The following CYB5A variants were observed in gnomAD, a reference collection of about 807,000 sequenced individuals.
CYB5A encodes the protein cytochrome b5.
CYB5A carries 10 observed loss-of-function variants against 16.2 expected under a neutral mutation model. That is an observed-to-expected ratio of 0.62 (90% CI 0.38 to 1.04). The LOEUF is 1.04. Ranked by LOEUF, CYB5A falls within the 50% of genes least tolerant of loss-of-function variation. The pLI is 0.01. For missense variants in CYB5A, 161 were observed against 165.9 expected (o/e 0.97, Z 0.16); for synonymous variants, 62 against 57.0 (o/e 1.09, Z -0.40).
intron 1 of CYB5A, among the ~76,000 whole-genome samples, chr18:74,280,680 G>C (rs1351921739): frequency 6.6e-6 from 1 of 152,076 alleles, no homozygotes; most frequent in African/African-American, 2.4e-5. Context: ...TATGTTTTTG[G>C]TTATTGATGT....
intron 1 of CYB5A, among the ~76,000 whole-genome samples, chr18:74,278,834 C>T (rs981717622): frequency 3.3e-5 from 5 of 152,228 alleles, no homozygotes; most frequent in Admixed American, 6.5e-5. Context: ...TGGTCTAAAA[C>T]GTACTGGTAA....
chr18:74,288,836 C>T (rs541144863), intron 1 of CYB5A, among the ~76,000 whole-genome samples: 1 of 152,278 alleles, frequency 6.6e-6, no homozygotes, highest in South Asian at 2.1e-4. Context: ...GAGATGGTCA[C>T]AGAAAGTCAA....
intron 1 of CYB5A, 65 bp from the exon 2 acceptor site, chr18:74,263,542 A>G: frequency 6.9e-7 from 1 of 1,452,874 alleles, no homozygotes; most frequent in Non-Finnish European, 9.7e-7. Context: ...GAAAACGGCC[A>G]GAATTTATTT....
At chr18:74,266,673 G>A (rs961747161) in intron 1 of CYB5A, among the ~76,000 whole-genome samples, 1 of 151,666 alleles carries the variant, frequency 6.6e-6, no homozygotes, top group East Asian at 1.9e-4. Flanking sequence ...ACAGCAACAA[G>A]GGATAGGTAT....
chr18:74,261,085 G>C (rs1267488078), intron 2 of CYB5A, 141 bp from the exon 3 acceptor site: 8 of 700,484 alleles, frequency 1.1e-5, no homozygotes, highest in Non-Finnish European at 1.8e-5. Context: ...TAAACACAAA[G>C]TTTGATCCAT....
At chr18:74,257,143 C>T (rs916166293) in intron 3 of CYB5A, 169 of 422,266 alleles carry the variant, frequency 4.0e-4, no homozygotes, top group African/African-American at 3.0e-3. Flanking sequence ...AAACAGCCAA[C>T]GGAAGGCAAA....
At chr18:74,286,830 A>G (rs1308656623) in intron 1 of CYB5A, among the ~76,000 whole-genome samples, 1 of 152,216 alleles carries the variant, frequency 6.6e-6, no homozygotes, top group Non-Finnish European at 1.5e-5. Context: ...GATTGACCAA[A>G]GCCGGCTTGC....
At chr18:74,285,843 CAAAAAAAA>C (rs58176740) in intron 1 of CYB5A, among the ~76,000 whole-genome samples, 4 of 70,866 alleles carry the variant, frequency 5.6e-5, no homozygotes, top group African/African-American at 1.3e-4. Flanking sequence ...GACCCCATCT[CAAAAAAAA>C]AAAAAAAAAA....
At chr18:74,269,509 C>T (rs1285839401) in intron 1 of CYB5A, among the ~76,000 whole-genome samples, 1 of 152,174 alleles carries the variant, frequency 6.6e-6, no homozygotes, top group African/African-American at 2.4e-5. Context: ...CCCTCCCACA[C>T]ACAGCAGCTA....
chr18:74,266,096 A>G (rs1400733205), intron 1 of CYB5A, among the ~76,000 whole-genome samples: 1 of 152,232 alleles, frequency 6.6e-6, no homozygotes, highest in Non-Finnish European at 1.5e-5. Flanking sequence ...AGTCCACCTT[A>G]AACAGGCATG....
At chr18:74,284,292 G>A (rs1485765890) in intron 1 of CYB5A, among the ~76,000 whole-genome samples, 1 of 150,578 alleles carries the variant, frequency 6.6e-6, no homozygotes, top group Non-Finnish European at 1.5e-5. Context: ...GGTTTTATGT[G>A]CAAAAAGCAC....
rs1336372658 is a variant in CYB5A, at chr18:74,253,433, G to C, written c.*151C>G. 3 of 603,080 alleles carry C rather than the reference G, an allele frequency of 5.0e-6. No homozygotes were observed. Among genetic ancestry groups the C allele is most frequent in the Non-Finnish European group, 9.1e-6 (3 of 331,044 alleles). 37.4% of individuals were successfully genotyped at this position (603,080 alleles called of 1,614,324 possible). A position where few individuals can be genotyped will look rare whatever the true frequency, so the allele number is the denominator to read the frequency against. On this transcript the variant is annotated 3_prime_UTR_variant, in exon 5 of 5. Coordinates refer to ENST00000340533, the MANE Select transcript of CYB5A (RefSeq NM_148923.4). Reference sequence around the variant, plus strand: ...GAGCGCAGAAAGGACAGTTCTTTTTGTTTTGTTTCTAATGTCGGAAGAAAA... The same window carrying C: ...GAGCGCAGAAAGGACAGTTCTTTTTCTTTTGTTTCTAATGTCGGAAGAAAA...
rs186794801 is a variant in CYB5A, at chr18:74,276,224, G to A, written c.130-12747C>T. Among the ~76,000 whole-genome samples, 54 of 152,228 alleles carry A rather than the reference G, an allele frequency of 3.5e-4. No individual in the cohort carries two copies. The East Asian group carries it at 0.01, about 28-fold the overall frequency. ...TCCTAAATTTTCAGACAGAGAAAAT[G>A]GGACGCAGAGGAATGAAGCCCAGTG... On this transcript the variant is annotated intron_variant, in intron 1 of 4. Transcript: ENST00000340533.
At chr18:74,275,983 C>T (rs772505288) in intron 1 of CYB5A, among the ~76,000 whole-genome samples, 9 of 152,112 alleles carry the variant, frequency 5.9e-5, no homozygotes, top group Non-Finnish European at 1.0e-4. Flanking sequence ...AGCCCAGAGG[C>T]GTCTCCAACC....
intron 3 of CYB5A, chr18:74,258,634 T>A (rs12955756): frequency 0.64 from 98,042 of 152,056 alleles, 32,402 homozygotes; most frequent in Middle Eastern, 0.75. Context: ...CACTCTTTAC[T>A]TCCACTAAAC....
chr18:74,263,959 C>A (rs1285852880), intron 1 of CYB5A, among the ~76,000 whole-genome samples: 1 of 151,888 alleles, frequency 6.6e-6, no homozygotes, highest in Non-Finnish European at 1.5e-5. Context: ...CGGCCGGGCA[C>A]GGTAGCTCAC....
chr18:74,260,585 C>A (rs1185589196), intron 3 of CYB5A: 1 of 389,654 alleles, frequency 2.6e-6, no homozygotes, highest in African/African-American at 2.1e-5. Context: ...ATTTTAAGTT[C>A]TCTGAAAATA....
chr18:74,263,392 G>A lies in CYB5A; in HGVS notation c.215C>T (p.Ala72Val). 1.9e-6 allele frequency: 3 copies of A among 1,614,096 alleles called. No individual in the cohort carries two copies. Among genetic ancestry groups the A allele is most frequent in the Non-Finnish European group, 2.5e-6 (3 of 1,180,002 alleles). ...GATGAATGTTTTGGACATTTCCCTG[G>A]CATCTGTAGAGTGCCCGACATCCTC... ...NFEDVGHSTDAREMSKTFIIG... is the reference protein window; with the variant it reads ...NFEDVGHSTDVREMSKTFIIG... Residue 72 changes from alanine to valine, a missense_variant, in exon 2 of 5, where the codon GCC (alanine) becomes GTC (valine). Ala to Val is a moderately conservative substitution (Grantham distance 64). Coordinates refer to ENST00000340533, the MANE Select transcript of CYB5A (RefSeq NM_148923.4).
chr18:74,270,776 G>T (rs1443895000), intron 1 of CYB5A, among the ~76,000 whole-genome samples: 1 of 152,144 alleles, frequency 6.6e-6, no homozygotes, highest in Non-Finnish European at 1.5e-5. Flanking sequence ...CTACATCAGG[G>T]ACTTGAGCAC....
Sources: allele counts gnomAD v4.1 joint callset (sites outside exome capture counted in the v4.1 genomes callset), GRCh38; gene constraint gnomAD v4.1.1; transcripts MANE v1.5; gene names NCBI Gene and HGNC (gene_info 2026-07-23, HGNC 2026-07-21).